Variants in ZC3H7B observed in about 807,000 individuals in gnomAD.
ZC3H7B encodes zinc finger CCCH-type containing 7B.
In ZC3H7B, 35 loss-of-function variants were observed where a neutral mutation model predicts 116.0. That is an observed-to-expected ratio of 0.30 (90% CI 0.23 to 0.40). The LOEUF (loss-of-function observed/expected upper bound fraction) is 0.40, where lower values mean the gene tolerates loss of function less well. Ranked by LOEUF, ZC3H7B falls within the 10% of genes least tolerant of loss-of-function variation. ZC3H7B has a pLI of 1.00. For missense variants in ZC3H7B, 1,011 were observed against 1,321.5 expected, an observed-to-expected ratio of 0.77 and a Z score of 3.64; for synonymous variants, 502 against 545.6, an observed-to-expected ratio of 0.92 and a Z score of 1.11.
At chr22:41,308,663 G>C (rs564071790) in intron 1 of ZC3H7B, among the ~76,000 whole-genome samples, 1 of 152,146 alleles carries the variant, frequency 6.6e-6, no homozygotes, top group Non-Finnish European at 1.5e-5. Flanking sequence ...AAATAAATAA[G>C]CTCCTGTCAC....
intron 2 of ZC3H7B, 102 bp from the exon 3 acceptor site, chr22:41,325,462 A>T (rs111360762): frequency 1.3e-6 from 2 of 1,486,262 alleles, no homozygotes; most frequent in Non-Finnish European, 1.8e-6. Flanking sequence ...ACCCTAGTCC[A>T]CAAGGTGATG....
intron 1 of ZC3H7B, among the ~76,000 whole-genome samples, chr22:41,315,215 T>TA (rs904121595): frequency 6.6e-6 from 1 of 151,692 alleles, no homozygotes; most frequent in Non-Finnish European, 1.5e-5. Context: ...ACGCACGTGC[T>TA]AGAGTGCTAG....
At chr22:41,344,660 G>A (rs916189283) in intron 13 of ZC3H7B, among the ~76,000 whole-genome samples, 3 of 152,198 alleles carry the variant, frequency 2.0e-5, no homozygotes, top group African/African-American at 7.2e-5. Context: ...TGTGCGCCAA[G>A]AGCCTGGCAG....
intron 17 of ZC3H7B, among the ~76,000 whole-genome samples, chr22:41,354,329 G>A (rs901992115): frequency 6.6e-6 from 1 of 152,208 alleles, no homozygotes; most frequent in African/African-American, 2.4e-5. Flanking sequence ...GCCGTCCCAC[G>A]CGTAAAGGCA....
rs2036331231 is a variant in ZC3H7B at position 41,327,270 on chromosome 22, G to A, written c.350G>A (p.Arg117Gln). ...KALGLDSESIRALFRKARALN... is the reference protein window; with the variant it reads ...KALGLDSESIQALFRKARALN... The stretch of plus-strand genomic sequence containing the variant: ...CTGGGCCTGGACAGTGAGAGTATCC[G>A]GGCGTTGTTCCGCAAGGCACGCGCT... The change falls in exon 5 of 23, where the codon CGG (arginine) becomes CAG (glutamine). Residue 117 changes from arginine (R) to glutamine (Q), a missense_variant. Arg to Gln is a conservative substitution (Grantham distance 43). This residue lies in a region of ZC3H7B where 322 missense variants were observed against 443.9 expected (regional missense o/e 0.73). Transcript: ENST00000352645. This position sits in a 1 kb window ranked among gnomAD's most constrained non-coding sequence, Gnocchi z 4.5. 4.3e-6 allele frequency: 7 copies of A among 1,613,916 alleles called. No homozygotes were observed. The highest frequency in any genetic ancestry group is 5.9e-6 in the Non-Finnish European group (7 of 1,180,050).
At chr22:41,317,389 A>G (rs1290749180) in intron 1 of ZC3H7B, among the ~76,000 whole-genome samples, 3 of 152,138 alleles carry the variant, frequency 2.0e-5, no homozygotes, top group African/African-American at 7.2e-5. Context: ...AACCTGATTT[A>G]ACCTTAATTA....
intron 1 of ZC3H7B, among the ~76,000 whole-genome samples, chr22:41,317,918 A>G (rs934810087): frequency 3.3e-5 from 5 of 152,214 alleles, no homozygotes; most frequent in Non-Finnish European, 7.3e-5. Flanking sequence ...CACTGAACCC[A>G]GGATCCAGGC....
At chr22:41,340,781 G>A (rs974022512) in intron 10 of ZC3H7B, among the ~76,000 whole-genome samples, 2 of 152,198 alleles carry the variant, frequency 1.3e-5, no homozygotes, top group Admixed American at 6.5e-5. Flanking sequence ...GCTGATGAGC[G>A]GAGCAGCTGG....
In ZC3H7B at chr22:41,357,636, G is replaced by A. The variant is rs1390554620; in HGVS notation, c.*207G>A. The A allele has an allele frequency of 2.1e-5, 15 of 716,958 alleles. No homozygotes were observed. The highest frequency in any genetic ancestry group is 1.4e-4 in the South Asian group (7 of 50,816). The allele number at this position is 716,958 out of a possible 1,614,324, so 44.4% of individuals were successfully genotyped here. ...ACGTGCTGCAGCCCCCGGAGGCCCC[G>A]CTGAAACCTGGGCTGCCCTTCCCCC... is the stretch of plus-strand genomic sequence containing the variant. On this transcript the variant is annotated 3_prime_UTR_variant, in exon 23 of 23. Transcript: ENST00000352645. The surrounding 1 kb of genome is among the most constrained non-coding windows in gnomAD (Gnocchi z 5.4).
intron 7 of ZC3H7B, 24 bp downstream of exon 7, chr22:41,332,251 T>G (rs967022836): frequency 6.2e-7 from 1 of 1,613,610 alleles, no homozygotes; most frequent in African/African-American, 1.3e-5. Flanking sequence ...TGAACCAACC[T>G]GTCTCAGTTT....
intron 19 of ZC3H7B, 30 bp downstream of exon 19, chr22:41,355,892 C>A: frequency 6.2e-7 from 1 of 1,611,836 alleles, no homozygotes; most frequent in Non-Finnish European, 8.5e-7. Flanking sequence ...GCTGGGGGTC[C>A]CCCAGGAGGC....
At position 41,341,134 on chromosome 22, in the gene ZC3H7B, A is replaced by G; in HGVS notation, c.1185A>G (p.Lys395=). ...QDHRPPSGAQ[K]PAPSPEPCMP... is the part of the protein sequence containing the mutation. ...ACCGTCCCCCTAGCGGTGCTCAGAA[A>G]CCAGCCCCCTCGGTGAGTGACTTGA... is the stretch of plus-strand genomic sequence containing the variant. The change falls in exon 11 of 23, where the codon AAA becomes AAG. Residue 395 remains lysine (K), a synonymous_variant. Coordinates refer to ENST00000352645, the MANE Select transcript of ZC3H7B (RefSeq NM_017590.6). 1 of 1,613,860 alleles carries G rather than the reference A, an allele frequency of 6.2e-7. No individual in the cohort carries two copies. The highest frequency in any genetic ancestry group is 8.5e-7 in the Non-Finnish European group (1 of 1,179,872).
intron 4 of ZC3H7B, among the ~76,000 whole-genome samples, chr22:41,326,973 C>T (rs2036327133): frequency 6.6e-6 from 1 of 152,212 alleles, no homozygotes; most frequent in African/African-American, 2.4e-5. Context: ...AATATCCTGC[C>T]CGTGCCCACT....
At chr22:41,323,084 T>C (rs1473996369) in intron 2 of ZC3H7B, among the ~76,000 whole-genome samples, 1 of 152,220 alleles carries the variant, frequency 6.6e-6, no homozygotes, top group Non-Finnish European at 1.5e-5. Context: ...TCCTGGCCGC[T>C]TCTGGAGGGT....
rs1390947324 is a variant in ZC3H7B, at chr22:41,338,287, G to A, written c.583-26G>A. On this transcript the variant is annotated intron_variant, in intron 7 of 22. Transcript: ENST00000352645. The surrounding 1 kb of genome is among the most constrained non-coding windows in gnomAD (Gnocchi z 4.5). Reference sequence around the variant, plus strand: ...TGGGATCGGGGCCTTCCCAGCCACAGCGCCACTGTGGCCCTCTCCCCACAG... The same window carrying A: ...TGGGATCGGGGCCTTCCCAGCCACAACGCCACTGTGGCCCTCTCCCCACAG... The A allele has an allele frequency of 6.2e-7, 1 of 1,609,226 alleles. No homozygotes were observed. The highest frequency in any genetic ancestry group is 2.2e-5 in the East Asian group (1 of 44,774).
At chr22:41,347,797 G>C (rs1258877262) in intron 14 of ZC3H7B, among the ~76,000 whole-genome samples, 1 of 151,814 alleles carries the variant, frequency 6.6e-6, no homozygotes, top group Non-Finnish European at 1.5e-5. Flanking sequence ...TCTTTTTTTT[G>C]ACATGAAGTA....
intron 4 of ZC3H7B, among the ~76,000 whole-genome samples, chr22:41,326,990 C>T (rs1262772367): frequency 6.6e-6 from 1 of 152,228 alleles, no homozygotes; most frequent in Admixed American, 6.5e-5. Context: ...CACTGCAGCC[C>T]CATCAGCTGG....
Position 41,358,909 on chromosome 22 carries a change from G to A in ZC3H7B, c.*1480G>A. 1 of 154,888 alleles carries A rather than the reference G, an allele frequency of 6.5e-6. No individual in the cohort carries two copies. The highest frequency in any genetic ancestry group is 5.2e-4 in the Middle Eastern group (1 of 1,926). The allele number at this position is 154,888 out of a possible 1,614,324, so 9.6% of individuals were successfully genotyped here. ...GAAGGAACCAGGGATTAGGCTGTAG[G>A]GGGGTGAGAAGGAGAGAAGGGACCA... is the stretch of plus-strand genomic sequence containing the variant. On this transcript the variant is annotated 3_prime_UTR_variant, in exon 23 of 23. Coordinates refer to ENST00000352645, the MANE Select transcript of ZC3H7B (RefSeq NM_017590.6).
At chr22:41,313,193 A>G (rs1009175064) in intron 1 of ZC3H7B, among the ~76,000 whole-genome samples, 2 of 70,336 alleles carry the variant, frequency 2.8e-5, no homozygotes, top group African/African-American at 9.6e-5. Context: ...ATATCAGCTC[A>G]CTACAACCTC....
Sources: gnomAD v4.1 joint callset for allele counts (sites outside exome capture counted in the v4.1 genomes callset) on GRCh38, gnomAD v4.1.1 for gene constraint, gnomAD v4.1.1 regional missense constraint, Gnocchi (gnomAD v3.1) non-coding constraint, MANE v1.5 for transcripts, NCBI Gene and HGNC (gene_info 2026-07-23, HGNC 2026-07-21) for gene names.